NCAM1: variants seen among roughly 807,000 people sequenced by gnomAD.
NCAM1 encodes neural cell adhesion molecule 1.
In NCAM1, 14 loss-of-function variants were observed where a neutral mutation model predicts 109.8. The ratio of observed to expected loss-of-function variants is 0.13; its 90% CI spans 0.08 to 0.20. The LOEUF is 0.20. Ranked by LOEUF, NCAM1 falls within the 10% of genes least tolerant of loss-of-function variation. The pLI is 1.00. For missense variants in NCAM1, 774 were observed against 1,109.9 expected (o/e 0.70, Z 4.30); for synonymous variants, 418 against 442.9 (o/e 0.94, Z 0.70).
chr11:113,200,386 G>A (rs1264632932), intron 1 of NCAM1, among the ~76,000 whole-genome samples: 2 of 152,184 alleles, frequency 1.3e-5, no homozygotes, highest in African/African-American at 2.4e-5. Context: ...CCCAAGATAC[G>A]ATGGGCCCTT....
chr11:113,071,421 ATT>A (rs66821824), intron 1 of NCAM1, among the ~76,000 whole-genome samples: 1,486 of 127,576 alleles, frequency 0.012, 14 homozygotes, highest in African/African-American at 0.04. Context: ...TGTTGGTTGG[ATT>A]TTTTTTTTTT....
At position 113,207,318 on chromosome 11, in the gene NCAM1, A is replaced by T. The variant is rs1425242321; in HGVS notation, c.686A>T (p.Gln229Leu). ...NIVNATANLG[Q>L]SVTLVCDAEG... is the part of the protein sequence containing the mutation. ...GTGAATGCCACCGCCAACCTCGGCCAGTCCGTCACCCTGGTGTGCGATGCC... is the reference window on the plus strand; with the variant it reads ...GTGAATGCCACCGCCAACCTCGGCCTGTCCGTCACCCTGGTGTGCGATGCC... The change falls in exon 6 of 20, where the codon CAG becomes CTG. Residue 229 changes from glutamine to leucine, a missense_variant. Gln to Leu is a moderately radical substitution (Grantham distance 113, BLOSUM62 -2). Around this residue, in one of 4 missense-constraint regions of NCAM1, gnomAD observed 523 missense variants for 784.2 expected, o/e 0.67. Coordinates refer to ENST00000316851, the MANE Select transcript of NCAM1 (RefSeq NM_181351.5). 1 of 1,613,920 alleles carries T rather than the reference A, an allele frequency of 6.2e-7. No individual in the cohort carries two copies. The highest frequency in any genetic ancestry group is 2.2e-5 in the East Asian group (1 of 44,892).
intron 1 of NCAM1, among the ~76,000 whole-genome samples, chr11:113,043,624 C>T (rs1953155844): frequency 6.6e-6 from 1 of 152,230 alleles, no homozygotes; most frequent in South Asian, 2.1e-4. Context: ...GCATGAGCCA[C>T]AGTGCCTGGC....
intron 1 of NCAM1, among the ~76,000 whole-genome samples, chr11:113,171,764 C>T (rs766777557): frequency 4.6e-5 from 7 of 152,178 alleles, no homozygotes; most frequent in African/African-American, 9.7e-5. Flanking sequence ...TGCTTTCCTA[C>T]GAAATATGGG....
intron 7 of NCAM1, among the ~76,000 whole-genome samples, chr11:113,208,495 C>A (rs1373402331): frequency 1.3e-5 from 2 of 151,924 alleles, no homozygotes; most frequent in Non-Finnish European, 2.9e-5. Context: ...GATCACTGCC[C>A]TAGGTTTCTC....
chr11:113,110,408 A>G (rs374561914), intron 1 of NCAM1, among the ~76,000 whole-genome samples: 25 of 152,304 alleles, frequency 1.6e-4, no homozygotes, highest in African/African-American at 6.0e-4. Context: ...CACTGATCTT[A>G]AATGTTATGC....
chr11:113,210,774 A>AC (rs1555113540), intron 7 of NCAM1, among the ~76,000 whole-genome samples: 36 of 122,472 alleles, frequency 2.9e-4, no homozygotes, highest in Admixed American at 8.4e-4. Context: ...TCTTCATCAC[A>AC]AACACACACA....
chr11:113,249,182 C>T (rs1351607292), intron 15 of NCAM1, among the ~76,000 whole-genome samples: 1 of 152,224 alleles, frequency 6.6e-6, no homozygotes, highest in African/African-American at 2.4e-5. Flanking sequence ...CTCTTTAACA[C>T]CCACTCTTCC....
At chr11:113,141,290 A>G (rs1232147317) in intron 1 of NCAM1, among the ~76,000 whole-genome samples, 2 of 152,142 alleles carry the variant, frequency 1.3e-5, no homozygotes, top group African/African-American at 4.8e-5. Flanking sequence ...CCATCCTCCC[A>G]GTTACAGACC....
intron 1 of NCAM1, among the ~76,000 whole-genome samples, chr11:113,033,175 G>T (rs1232249713): frequency 7.2e-5 from 11 of 152,190 alleles, no homozygotes; most frequent in Admixed American, 7.2e-4. Flanking sequence ...GCAGCTGTGG[G>T]GTGAGCTGCG....
chr11:113,124,781 T>C (rs549568506), intron 1 of NCAM1, among the ~76,000 whole-genome samples: 1 of 152,316 alleles, frequency 6.6e-6, no homozygotes, highest in South Asian at 2.1e-4. Context: ...TTCAAGTCAG[T>C]ATAAGACACG....
intron 1 of NCAM1, among the ~76,000 whole-genome samples, chr11:113,102,406 A>G (rs1939915498): frequency 1.3e-5 from 2 of 152,180 alleles, no homozygotes; most frequent in South Asian, 2.1e-4. Context: ...CTTGAAATCA[A>G]ATTTGCTGCA....
intron 1 of NCAM1, among the ~76,000 whole-genome samples, chr11:113,169,144 C>A (rs1156960531): frequency 6.6e-6 from 1 of 151,382 alleles, no homozygotes; most frequent in East Asian, 1.9e-4. Flanking sequence ...CTTGGGAAAC[C>A]CAGGACAAGA....
intron 17 of NCAM1, among the ~76,000 whole-genome samples, chr11:113,262,508 C>T (rs1946037100): frequency 6.6e-6 from 1 of 152,188 alleles, no homozygotes; most frequent in African/African-American, 2.4e-5. Context: ...CCCTAGCCCC[C>T]AAATTAACCC....
intron 14 of NCAM1, chr11:113,240,359 T>C (rs895379968): frequency 5.7e-5 from 10 of 174,800 alleles, no homozygotes; most frequent in Non-Finnish European, 9.6e-5. Context: ...TATACCTATA[T>C]AGAAACACAT....
At chr11:112,988,043 G>T (rs1048065417) in intron 1 of NCAM1, among the ~76,000 whole-genome samples, 3 of 151,624 alleles carry the variant, frequency 2.0e-5, no homozygotes, top group Non-Finnish European at 4.4e-5. Context: ...TTTATCTTTT[G>T]CATATTTACT....
At chr11:113,034,366 T>G (rs1050455484) in intron 1 of NCAM1, among the ~76,000 whole-genome samples, 78 of 152,282 alleles carry the variant, frequency 5.1e-4, no homozygotes, top group Admixed American at 5.0e-3. Context: ...CTGTAGAGTA[T>G]TCAAGATATA....
chr11:112,965,270 G>GA (rs201492263), intron 1 of NCAM1, among the ~76,000 whole-genome samples: 310 of 149,346 alleles, frequency 2.1e-3, no homozygotes, highest in South Asian at 8.5e-3. Flanking sequence ...CATCAAAACT[G>GA]AAAAAAAAAT....
At chr11:113,234,358 A>G (rs1198921858) in intron 13 of NCAM1, among the ~76,000 whole-genome samples, 3 of 151,860 alleles carry the variant, frequency 2.0e-5, no homozygotes, top group Admixed American at 6.6e-5. Flanking sequence ...ATTCAGTGGC[A>G]TTAAGTTGTA....
Sources: gnomAD v4.1 joint callset for allele counts (sites outside exome capture counted in the v4.1 genomes callset) on GRCh38, gnomAD v4.1.1 for gene constraint, gnomAD v4.1.1 regional missense constraint, MANE v1.5 for transcripts, NCBI Gene and HGNC (gene_info 2026-07-23, HGNC 2026-07-21) for gene names.